Variants in MDN1 observed in about 807,000 individuals in gnomAD.
MDN1 encodes midasin.
Under a neutral mutation model 669.2 loss-of-function variants are expected in MDN1, and 266 were observed. The ratio of observed to expected loss-of-function variants is 0.40; its 90% CI spans 0.36 to 0.44. MDN1 has a LOEUF of 0.44. Among genes scored for constraint, MDN1 ranks in the 20% least tolerant of loss-of-function variants. The pLI, the probability that MDN1 is intolerant of heterozygous loss-of-function variation, is 1.00. For synonymous variants in MDN1, 2,385 were observed against 2,457.1 expected (o/e 0.97, Z 0.87); for missense variants, 5,940 against 6,754.0 (o/e 0.88, Z 4.22).
At chr6:89,780,170 T>G (rs1442085000) in intron 11 of MDN1, 42 bp downstream of exon 11, 16 of 1,214,104 alleles carry the variant, frequency 1.3e-5, no homozygotes, top group Non-Finnish European at 1.8e-5. Context: ...GTCAACAGCC[T>G]TACAGAACCA....
intron 67 of MDN1, 123 bp from the exon 68 acceptor site, chr6:89,687,561 A>G: frequency 1.4e-6 from 1 of 714,022 alleles, no homozygotes; most frequent in East Asian, 2.7e-5. Context: ...ACTTGCACCA[A>G]TTGTAGGAAT....
intron 33 of MDN1, among the ~76,000 whole-genome samples, chr6:89,736,347 C>T (rs1299490485): frequency 6.6e-6 from 1 of 152,062 alleles, no homozygotes; most frequent in East Asian, 1.9e-4. Context: ...CAAGCATGGT[C>T]GTGACAGCAA....
chr6:89,676,223 A>G lies in MDN1; in HGVS notation c.12540-16T>C, dbSNP rs760033013. ...TGTAAGCAGCCTGGAAAAGATATCA[A>G]CATTGTTTACTTAATTAAAACCACG... On this transcript the variant is annotated splice_polypyrimidine_tract_variant and intron_variant, in intron 76 of 101. Coordinates refer to ENST00000369393, the MANE Select transcript of MDN1 (RefSeq NM_014611.3). The G allele has an allele frequency of 3.9e-5, 63 of 1,610,348 alleles. 1 individual carries two copies. In the Middle Eastern group the frequency reaches 6.6e-4, roughly 17 times the overall value.
intron 64 of MDN1, 126 bp from the exon 65 acceptor site, chr6:89,690,269 A>C: frequency 1.9e-6 from 2 of 1,037,372 alleles, no homozygotes; most frequent in East Asian, 5.2e-5. Flanking sequence ...ATATGTATTA[A>C]AATATATTTT....
chr6:89,754,078 A>G lies in MDN1; in HGVS notation c.2964+5T>C. On this transcript the variant is annotated splice_donor_5th_base_variant and intron_variant, in intron 21 of 101. Coordinates refer to ENST00000369393, the MANE Select transcript of MDN1 (RefSeq NM_014611.3). ...CATATCCAGTCAAAGAGACTTCAGA[A>G]AGACCTCATAGAGTGAGCGCTGAAT... The G allele has an allele frequency of 6.2e-7, 1 of 1,612,722 alleles. No individual in the cohort carries two copies. The highest frequency in any genetic ancestry group is 8.5e-7 in the Non-Finnish European group (1 of 1,179,510).
At chr6:89,797,636 C>A in intron 2 of MDN1, 1 of 476,858 alleles carries the variant, frequency 2.1e-6, no homozygotes. Context: ...TTTTGCAAGC[C>A]ATGAAGCATA....
intron 100 of MDN1, among the ~76,000 whole-genome samples, chr6:89,646,188 A>G (rs1352680421): frequency 6.6e-6 from 1 of 152,202 alleles, no homozygotes; most frequent in Non-Finnish European, 1.5e-5. Context: ...TCCATGTGTA[A>G]GTAGACCTGA....
At position 89,700,076 on chromosome 6, in the gene MDN1, C is replaced by A. The variant is rs772677667; in HGVS notation, c.8857G>T (p.Ala2953Ser). The A allele has an allele frequency of 4.3e-6, 7 of 1,613,954 alleles. No individual in the cohort carries two copies. The highest frequency in any genetic ancestry group is 1.7e-5 in the Admixed American group (1 of 60,006). ...AGCATGGTTTACCTTCTGAGACAAG[C>A]TTGTGCCATAAAATCAGCTGTCACT... is the stretch of plus-strand genomic sequence containing the variant. ...YKVTADFMAQ[A>S]CLRRCSKNQQ... The change falls in exon 57 of 102, where the codon GCT becomes TCT. Residue 2953 changes from alanine (A) to serine (S), a missense_variant. This residue lies in a region of MDN1 where 2,292 missense variants were observed against 2,638.3 expected (regional missense o/e 0.87). Coordinates refer to ENST00000369393, the MANE Select transcript of MDN1 (RefSeq NM_014611.3).
chr6:89,803,627 G>A (rs1165433455), intron 1 of MDN1, 73 bp from the exon 2 acceptor site: 2 of 1,127,326 alleles, frequency 1.8e-6, no homozygotes, highest in Non-Finnish European at 2.6e-6. Context: ...TGTCGCCCAG[G>A]AGCAAGTGCA....
At chr6:89,803,910 TTTTTTTTTG>T (rs1260097425) in intron 1 of MDN1, among the ~76,000 whole-genome samples, 3 of 113,098 alleles carry the variant, frequency 2.7e-5, no homozygotes, top group Admixed American at 1.9e-4. Context: ...TTTTTTTTTT[TTTTTTTTTG>T]GAGACAGAGT....
At chr6:89,691,615 A>T (rs146380601) in intron 63 of MDN1, among the ~76,000 whole-genome samples, 70 of 152,342 alleles carry the variant, frequency 4.6e-4, no homozygotes, top group Admixed American at 1.7e-3. Context: ...AAATAGTTAA[A>T]TTACTTGTGT....
intron 2 of MDN1, among the ~76,000 whole-genome samples, chr6:89,802,589 G>A (rs1767738300): frequency 6.6e-6 from 1 of 152,108 alleles, no homozygotes; most frequent in Non-Finnish European, 1.5e-5. Flanking sequence ...GGAGGCTGAG[G>A]CAGGAGAATC....
At chr6:89,698,273 A>G (rs906936406) in intron 59 of MDN1, among the ~76,000 whole-genome samples, 1 of 152,260 alleles carries the variant, frequency 6.6e-6, no homozygotes, top group South Asian at 2.1e-4. Context: ...CAACTTATGC[A>G]TAGAAATGCT....
rs144686024 is a variant in MDN1 at position 89,710,935 on chromosome 6, A to G, written c.7652-141T>C. ...GACCTGAAATGTGGCCAGTGCAACT[A>G]AAGGACTGGATTTTTTATTTTTTTA... On this transcript the variant is annotated intron_variant, in intron 49 of 101. Transcript: ENST00000369393. The G allele has an allele frequency of 2.5e-5, 14 of 560,498 alleles. No homozygotes were observed. The Middle Eastern group carries it at 2.7e-3, about 110-fold the overall frequency. 34.7% of individuals were successfully genotyped at this position (560,498 alleles called of 1,614,324 possible).
chr6:89,674,735 G>A, intron 78 of MDN1, 146 bp from the exon 79 acceptor site: 1 of 1,192,550 alleles, frequency 8.4e-7, no homozygotes, highest in Non-Finnish European at 1.1e-6. Context: ...TAGGTAAAAA[G>A]TCTGTTAAAA....
chr6:89,754,177 C>T lies in MDN1; in HGVS notation c.2870G>A (p.Gly957Asp). Residue 957 changes from glycine (G) to aspartate (D), a missense_variant, in exon 21 of 102, where the codon GGC (glycine) becomes GAC (aspartate). Gly to Asp is a moderately conservative substitution (Grantham distance 94). This residue lies in a region of MDN1 where 1,203 missense variants were observed against 1,268.9 expected (regional missense o/e 0.95). Transcript: ENST00000369393. ...ESGTKLVDGT[G>D]HRPHYSLRTL... ...CCGAAGGCTGTAGTGAGGTCTATGGCCAGTGCCATCCACCAGTTTGGTCCC... is the reference window on the plus strand; with the variant it reads ...CCGAAGGCTGTAGTGAGGTCTATGGTCAGTGCCATCCACCAGTTTGGTCCC... 1 of 1,614,056 alleles carries T rather than the reference C, an allele frequency of 6.2e-7. No homozygotes were observed. Among genetic ancestry groups the T allele is most frequent in the Non-Finnish European group, 8.5e-7 (1 of 1,179,972 alleles).
rs746382478 is a variant in MDN1, at chr6:89,714,602, C to T, written c.7010G>A (p.Gly2337Glu). The part of the protein sequence containing the change: ...KVLLHSLGLV[G>E]NSVCDILLAL... ...CAAGAGGATGTCACATACACTGTTC[C>T]CCACCAATCCAAGGCTGTGCAGCAG... Residue 2337 changes from glycine (G) to glutamate (E), a missense_variant, in exon 46 of 102, where the codon GGG becomes GAG. By Grantham distance (98) the Gly-to-Glu change is moderately conservative. This residue lies in a region of MDN1 where 2,292 missense variants were observed against 2,638.3 expected (regional missense o/e 0.87). Transcript: ENST00000369393. 1 of 1,614,036 alleles carries T rather than the reference C, an allele frequency of 6.2e-7. No individual in the cohort carries two copies. The highest frequency in any genetic ancestry group is 1.1e-5 in the South Asian group (1 of 91,048).
chr6:89,717,601 T>C (rs1220321085), intron 43 of MDN1, among the ~76,000 whole-genome samples: 1 of 152,202 alleles, frequency 6.6e-6, no homozygotes, highest in African/African-American at 2.4e-5. Flanking sequence ...ATATGACACA[T>C]GACTGCATCG....
Position 89,718,435 on chromosome 6 carries a change from T to C in MDN1, c.6514A>G (p.Asn2172Asp), listed in dbSNP as rs776155078. 1.2e-6 allele frequency: 2 copies of C among 1,614,168 alleles called. No homozygotes were observed. The highest frequency in any genetic ancestry group is 4.5e-5 in the East Asian group (2 of 44,886). The change falls in exon 43 of 102, where the codon AAC becomes GAC. Residue 2172 changes from asparagine to aspartate, a missense_variant. By Grantham distance (23) the Asn-to-Asp change is conservative (BLOSUM62 1). Around this residue, in one of 5 missense-constraint regions of MDN1, gnomAD observed 2,292 missense variants for 2,638.3 expected, o/e 0.87. Coordinates refer to ENST00000369393, the MANE Select transcript of MDN1 (RefSeq NM_014611.3). ...GGKAITMEIV[N>D]KLEAVLLLMQ... ...AGCAATAACACTGCTTCTAGTTTGT[T>C]GACAATCTCCATCGTGATAGCTTTA... is the stretch of plus-strand genomic sequence containing the variant.
Sources: gnomAD v4.1 joint callset for allele counts (sites outside exome capture counted in the v4.1 genomes callset) on GRCh38, gnomAD v4.1.1 for gene constraint, gnomAD v4.1.1 regional missense constraint, MANE v1.5 for transcripts, NCBI Gene and HGNC (gene_info 2026-07-23, HGNC 2026-07-21) for gene names.